SLC35F1: variants seen among roughly 807,000 people sequenced by gnomAD.
SLC35F1 encodes solute carrier family 35 member F1, also known as chromosome 6 open reading frame 169.
SLC35F1 carries 14 observed loss-of-function variants against 48.7 expected under a neutral mutation model. The observed-to-expected ratio is 0.29, with a 90% confidence interval of 0.19 to 0.45. SLC35F1 has a LOEUF of 0.45. SLC35F1 is among the 20% of genes least tolerant of loss of function. SLC35F1 has a pLI of 1.00. For synonymous variants in SLC35F1, 190 were observed against 202.2 expected (o/e 0.94, Z 0.51); for missense variants, 404 against 500.0 (o/e 0.81, Z 1.83).
intron 1 of SLC35F1, among the ~76,000 whole-genome samples, chr6:117,925,621 T>C (rs1373233266): frequency 5.3e-5 from 8 of 152,180 alleles, no homozygotes; most frequent in Non-Finnish European, 8.8e-5. Flanking sequence ...ACACCTCTTT[T>C]ACTCTGGCCT....
intron 3 of SLC35F1, among the ~76,000 whole-genome samples, chr6:118,265,750 A>C (rs149693077): frequency 3.8e-4 from 58 of 152,290 alleles, no homozygotes; most frequent in African/African-American, 1.4e-3. Flanking sequence ...AAAGTGAAGG[A>C]GTATTGAGGA....
chr6:118,283,976 C>T (rs575623618), intron 6 of SLC35F1, among the ~76,000 whole-genome samples: 165 of 152,272 alleles, frequency 1.1e-3, no homozygotes, highest in African/African-American at 3.9e-3. Flanking sequence ...GCACTTCTAC[C>T]ACGCTAGAGG....
intron 1 of SLC35F1, among the ~76,000 whole-genome samples, chr6:118,015,566 G>A (rs1777310023): frequency 6.6e-6 from 1 of 151,102 alleles, no homozygotes; most frequent in Non-Finnish European, 1.5e-5. Context: ...GCATTACTTT[G>A]TTAAGGATAA....
At chr6:117,980,018 C>T (rs573364220) in intron 1 of SLC35F1, among the ~76,000 whole-genome samples, 4 of 152,214 alleles carry the variant, frequency 2.6e-5, no homozygotes, top group East Asian at 3.9e-4. Context: ...TTCTTCTACC[C>T]GTGTTGAGTT....
At chr6:118,042,909 G>A (rs191467233) in intron 1 of SLC35F1, among the ~76,000 whole-genome samples, 1 of 152,112 alleles carries the variant, frequency 6.6e-6, no homozygotes, top group Non-Finnish European at 1.5e-5. Flanking sequence ...GAAAACAGAG[G>A]TGGAGGAACA....
chr6:118,088,477 A>G (rs1453840784), intron 1 of SLC35F1, among the ~76,000 whole-genome samples: 1 of 152,218 alleles, frequency 6.6e-6, no homozygotes, highest in Non-Finnish European at 1.5e-5. Flanking sequence ...GTAAATAGGC[A>G]GCTTTCCTTT....
At chr6:118,044,693 C>T (rs1271653161) in intron 1 of SLC35F1, among the ~76,000 whole-genome samples, 1 of 151,832 alleles carries the variant, frequency 6.6e-6, no homozygotes, top group African/African-American at 2.4e-5. Context: ...TGAAGGGTTT[C>T]GAAGAGGAAA....
At chr6:118,306,045 C>T (rs1776307855) in intron 7 of SLC35F1, among the ~76,000 whole-genome samples, 1 of 152,222 alleles carries the variant, frequency 6.6e-6, no homozygotes, top group Non-Finnish European at 1.5e-5. Context: ...GTATGCCAGA[C>T]AGGCTCTTCC....
chr6:118,210,205 C>T (rs1774984401), intron 2 of SLC35F1, among the ~76,000 whole-genome samples: 1 of 152,050 alleles, frequency 6.6e-6, no homozygotes, highest in African/African-American at 2.4e-5. Context: ...AGTGAGTAAC[C>T]CTCCTCATAA....
At position 118,003,531 on chromosome 6, in the gene SLC35F1, G is replaced by T. The variant is rs567495976; in HGVS notation, c.173+95632G>T. Among the ~76,000 whole-genome samples the T allele has an allele frequency of 1.1e-4, 17 of 152,238 alleles. 2 individuals are homozygous for T. The South Asian group carries it at 2.9e-3, about 26-fold the overall frequency. On this transcript the variant is annotated intron_variant, in intron 1 of 7. Coordinates refer to ENST00000360388, the MANE Select transcript of SLC35F1 (RefSeq NM_001029858.4). Reference sequence around the variant, plus strand: ...CTGGGCACTAATGTGCCCTTTGAGGGGCATTTCTGGATATAAGCTAAGAGT... The same window carrying T: ...CTGGGCACTAATGTGCCCTTTGAGGTGCATTTCTGGATATAAGCTAAGAGT...
In SLC35F1 at chr6:117,966,130, C is replaced by CG. The variant is rs1365240529; in HGVS notation, c.173+58232dup. ...AAATAAGGGAATAAAAGCAGGCCAC[C>CG]GCCCCCCCCCCCACTCCCGCCCCGC... On this transcript the variant is annotated intron_variant, in intron 1 of 7. Coordinates refer to ENST00000360388, the MANE Select transcript of SLC35F1 (RefSeq NM_001029858.4). Among the ~76,000 whole-genome samples the CG allele has an allele frequency of 5.5e-4, 15 of 27,250 alleles. 1 individual carries two copies. Among genetic ancestry groups the CG allele is most frequent in the African/African-American group, 1.2e-3 (13 of 10,968 alleles). The allele number at this position is 27,250 out of a possible 152,430, so 17.9% of individuals were successfully genotyped here.
chr6:118,093,110 G>T (rs1445318758), intron 1 of SLC35F1, among the ~76,000 whole-genome samples: 1 of 152,088 alleles, frequency 6.6e-6, no homozygotes, highest in Non-Finnish European at 1.5e-5. Context: ...GAGGTCAGTG[G>T]TTCGAAACCA....
intron 1 of SLC35F1, among the ~76,000 whole-genome samples, chr6:117,970,140 G>T (rs1223109218): frequency 6.6e-6 from 1 of 152,190 alleles, no homozygotes; most frequent in Non-Finnish European, 1.5e-5. Context: ...ATTGAATGGG[G>T]TACTATAACT....
At chr6:117,923,201 A>T (rs905067406) in intron 1 of SLC35F1, among the ~76,000 whole-genome samples, 2 of 152,140 alleles carry the variant, frequency 1.3e-5, no homozygotes, top group African/African-American at 4.8e-5. Context: ...AACCAGATGA[A>T]GTTTATTTCT....
chr6:118,237,908 GA>G (rs903686312), intron 3 of SLC35F1, among the ~76,000 whole-genome samples: 7 of 152,128 alleles, frequency 4.6e-5, no homozygotes, highest in African/African-American at 1.4e-4. Context: ...CTAATACACT[GA>G]AAAAAATTAT....
intron 1 of SLC35F1, among the ~76,000 whole-genome samples, chr6:117,951,128 A>T (rs556611281): frequency 6.6e-6 from 1 of 152,208 alleles, no homozygotes; most frequent in Non-Finnish European, 1.5e-5. Flanking sequence ...GCAATCTATG[A>T]AAAAGATGTA....
At chr6:118,204,822 T>C (rs1774913982) in intron 2 of SLC35F1, among the ~76,000 whole-genome samples, 1 of 152,330 alleles carries the variant, frequency 6.6e-6, no homozygotes, top group African/African-American at 2.4e-5. Context: ...ACTTTCAAAA[T>C]ACAGAGTTCG....
At chr6:118,148,541 C>G (rs1774009147) in intron 1 of SLC35F1, among the ~76,000 whole-genome samples, 1 of 152,142 alleles carries the variant, frequency 6.6e-6, no homozygotes, top group Admixed American at 6.5e-5. Context: ...CTTCCAGCAG[C>G]ACTATTTTTC....
At chr6:118,205,227 G>A (rs1409219787) in intron 2 of SLC35F1, among the ~76,000 whole-genome samples, 1 of 152,136 alleles carries the variant, frequency 6.6e-6, no homozygotes, top group Admixed American at 6.5e-5. Context: ...AGATTCTAGT[G>A]GAGGAAGATG....
Sources: gnomAD v4.1 joint callset for allele counts (sites outside exome capture counted in the v4.1 genomes callset) on GRCh38, gnomAD v4.1.1 for gene constraint, MANE v1.5 for transcripts, NCBI Gene and HGNC (gene_info 2026-07-23, HGNC 2026-07-21) for gene names.